The following STPG2 variants were observed in gnomAD, a reference collection of about 807,000 sequenced individuals.
The protein encoded by STPG2 is sperm tail PG-rich repeat containing 2.
A neutral mutation model predicts 54.2 loss-of-function variants in STPG2; 56 were observed. The observed-to-expected ratio is 1.03, with a 90% CI of 0.83 to 1.29. The LOEUF is 1.29. STPG2 is among the 50% of genes most tolerant of loss of function. STPG2 has a pLI of 0.00. For missense variants in STPG2, 596 were observed against 544.9 expected, an observed-to-expected ratio of 1.09 and a Z score of -0.93; for synonymous variants, 200 against 181.8, an observed-to-expected ratio of 1.10 and a Z score of -0.81.
At chr4:97,457,843 G>A (rs894342329) in intron 4 of STPG2, among the ~76,000 whole-genome samples, 1 of 152,316 alleles carries the variant, frequency 6.6e-6, no homozygotes, top group East Asian at 1.9e-4. Flanking sequence ...ATGGGGTGAT[G>A]TTAAAAGAAA....
At chr4:97,840,669 C>G (rs1728769492) in intron 9 of STPG2, 104 bp downstream of exon 9, 1 of 1,322,526 alleles carries the variant, frequency 7.6e-7, no homozygotes, top group African/African-American at 1.5e-5. Context: ...CATTATTTTG[C>G]TTAACTTTTC....
At chr4:98,133,134 G>A (rs1379301258) in intron 2 of STPG2, among the ~76,000 whole-genome samples, 1 of 151,936 alleles carries the variant, frequency 6.6e-6, no homozygotes, top group South Asian at 2.1e-4. Context: ...GTTTATTACA[G>A]AGCAAACATT....
At chr4:97,548,496 A>C (rs1001989737) in intron 4 of STPG2, among the ~76,000 whole-genome samples, 3 of 152,230 alleles carry the variant, frequency 2.0e-5, no homozygotes, top group Admixed American at 1.3e-4. Flanking sequence ...CTACATTCCC[A>C]GTGCTTGGGA....
chr4:97,655,490 G>A (rs1436464821), intron 10 of STPG2, among the ~76,000 whole-genome samples: 1 of 151,906 alleles, frequency 6.6e-6, no homozygotes, highest in Non-Finnish European at 1.5e-5. Flanking sequence ...TTTTCACTTT[G>A]GTTAGTGTCT....
intron 10 of STPG2, among the ~76,000 whole-genome samples, chr4:97,608,293 G>T (rs1251889574): frequency 6.6e-6 from 1 of 151,816 alleles, no homozygotes; most frequent in South Asian, 2.1e-4. Flanking sequence ...ACTTGCCATT[G>T]TATTACTAAT....
intron 7 of STPG2, among the ~76,000 whole-genome samples, chr4:97,949,467 CT>C (rs1320231487): frequency 2.6e-5 from 4 of 151,714 alleles, no homozygotes; most frequent in Admixed American, 6.6e-5. Flanking sequence ...TTGTTACTTA[CT>C]TTTTTTTCTT....
intron 5 of STPG2, among the ~76,000 whole-genome samples, chr4:98,093,698 C>G (rs1738758086): frequency 6.6e-6 from 1 of 152,182 alleles, no homozygotes; most frequent in Admixed American, 6.5e-5. Context: ...TCCCCATCCC[C>G]CAACTGTAGC....
intron 8 of STPG2, among the ~76,000 whole-genome samples, chr4:97,927,201 T>C (rs1016967919): frequency 6.9e-6 from 1 of 143,928 alleles, no homozygotes; most frequent in Admixed American, 6.9e-5. Context: ...TAAATTCCTT[T>C]TCATTCTCAA....
At chr4:97,975,474 C>A (rs1176991594) in intron 6 of STPG2, among the ~76,000 whole-genome samples, 1 of 152,016 alleles carries the variant, frequency 6.6e-6, no homozygotes, top group African/African-American at 2.4e-5. Flanking sequence ...GGAATATTTT[C>A]CACAGTGGTA....
At chr4:97,503,488 TTA>T (rs1432259022) in intron 4 of STPG2, among the ~76,000 whole-genome samples, 1 of 151,686 alleles carries the variant, frequency 6.6e-6, no homozygotes, top group African/African-American at 2.4e-5. Flanking sequence ...GTGTATTTCC[TTA>T]TATGTGTTTA....
intron 10 of STPG2, among the ~76,000 whole-genome samples, chr4:97,650,478 G>T (rs1005025427): frequency 6.6e-6 from 1 of 152,094 alleles, no homozygotes; most frequent in African/African-American, 2.4e-5. Flanking sequence ...GTCTAGAAAG[G>T]CAAGACAACT....
At chr4:97,765,344 A>T (rs1386286032) in intron 9 of STPG2, among the ~76,000 whole-genome samples, 1 of 152,112 alleles carries the variant, frequency 6.6e-6, no homozygotes. Context: ...TTGCATTATT[A>T]TTCCTAATTA....
intron 8 of STPG2, among the ~76,000 whole-genome samples, chr4:97,857,986 A>G (rs924156511): frequency 6.6e-6 from 1 of 152,058 alleles, no homozygotes; most frequent in African/African-American, 2.4e-5. Context: ...CTACGTGAAA[A>G]TATGCAGTTG....
chr4:97,826,611 G>T lies in STPG2; in HGVS notation c.1204+14162C>A, dbSNP rs1010547181. On this transcript the variant is annotated intron_variant, in intron 9 of 10. Coordinates refer to ENST00000295268, the MANE Select transcript of STPG2 (RefSeq NM_174952.3). ...AAGATTGAATATATTTGTCGACAAG[G>T]TTTTATTAAGAATTGAATTTGACAT... Among the ~76,000 whole-genome samples, 4 of 152,156 alleles carry T rather than the reference G, an allele frequency of 2.6e-5. No homozygotes were observed. In the East Asian group the frequency reaches 7.7e-4, roughly 29 times the overall value.
At chr4:97,577,209 C>G (rs1487500283) in intron 10 of STPG2, among the ~76,000 whole-genome samples, 1 of 152,170 alleles carries the variant, frequency 6.6e-6, no homozygotes, top group South Asian at 2.1e-4. Flanking sequence ...AATATTAGAA[C>G]TGCCATTCAA....
chr4:97,605,185 T>C (rs1733563189), intron 10 of STPG2, among the ~76,000 whole-genome samples: 1 of 151,834 alleles, frequency 6.6e-6, no homozygotes, highest in Non-Finnish European at 1.5e-5. Flanking sequence ...TGTATTTCAT[T>C]ACCTTTTTAG....
chr4:97,517,297 G>A (rs1241147632), intron 4 of STPG2, among the ~76,000 whole-genome samples: 2 of 152,010 alleles, frequency 1.3e-5, no homozygotes, highest in African/African-American at 2.4e-5. Context: ...AATTGCTTGA[G>A]CCAGGAGTTC....
chr4:98,053,847 T>C (rs35938349), intron 5 of STPG2, among the ~76,000 whole-genome samples: 59,915 of 151,954 alleles, frequency 0.39, 12,040 homozygotes, highest in Middle Eastern at 0.46. Context: ...TATATGATTT[T>C]TTTCAGAGGC....
At chr4:97,749,596 G>C (rs1416469387) in intron 9 of STPG2, among the ~76,000 whole-genome samples, 1 of 151,676 alleles carries the variant, frequency 6.6e-6, no homozygotes, top group Non-Finnish European at 1.5e-5. Flanking sequence ...ATTTATTTTA[G>C]AGTAACCATA....
Sources: gnomAD v4.1 joint callset for allele counts (sites outside exome capture counted in the v4.1 genomes callset) on GRCh38, gnomAD v4.1.1 for gene constraint, MANE v1.5 for transcripts, NCBI Gene and HGNC (gene_info 2026-07-23, HGNC 2026-07-21) for gene names.